RAB38: variants seen among roughly 807,000 people sequenced by gnomAD.
RAB38 encodes the protein RAB38, member RAS oncogene family.
In RAB38, 15 loss-of-function variants were observed where a neutral mutation model predicts 18.4. The observed-to-expected ratio is 0.82, with a 90% CI of 0.55 to 1.26. The LOEUF (loss-of-function observed/expected upper bound fraction) is 1.26. Among genes scored for constraint, RAB38 ranks in the 50% most tolerant of loss-of-function variants. The pLI is 0.00. For missense variants in RAB38, 294 were observed against 267.4 expected (o/e 1.10, Z -0.69); for synonymous variants, 101 against 104.4 (o/e 0.97, Z 0.20).
intron 2 of RAB38, among the ~76,000 whole-genome samples, chr11:88,141,923 C>G (rs7924941): frequency 0.047 from 7,173 of 152,248 alleles, 293 homozygotes; most frequent in African/African-American, 0.11. Context: ...TCCTCAAGAG[C>G]TGTCCTCTCT....
chr11:87,809,226 C>T, the RAB38 span, among the ~76,000 whole-genome samples: 3 of 152,016 alleles, frequency 2.0e-5, no homozygotes, highest in Non-Finnish European at 2.9e-5. Flanking sequence ...TCACAAGAGC[C>T]ACATCTAAAA....
chr11:87,960,753 G>T, the RAB38 span, among the ~76,000 whole-genome samples: 1 of 152,108 alleles, frequency 6.6e-6, no homozygotes, highest in African/African-American at 2.4e-5. Flanking sequence ...GTGCCTAAAA[G>T]ATATTCACTA....
chr11:87,974,233 G>A, the RAB38 span, among the ~76,000 whole-genome samples: 1 of 151,722 alleles, frequency 6.6e-6, no homozygotes. Flanking sequence ...AGTACTTATG[G>A]AAGCTACAAT....
the RAB38 span, among the ~76,000 whole-genome samples, chr11:87,953,152 G>A: frequency 1.3e-5 from 2 of 151,980 alleles, no homozygotes; most frequent in Non-Finnish European, 2.9e-5. Context: ...AGACATTCTA[G>A]GACTGGAGGT....
At chr11:88,033,296 G>A in the RAB38 span, among the ~76,000 whole-genome samples, 5 of 151,832 alleles carry the variant, frequency 3.3e-5, no homozygotes, top group African/African-American at 7.3e-5. Context: ...GTTAGTGGGT[G>A]CAGCACACCA....
chr11:87,918,275 A>T, the RAB38 span, among the ~76,000 whole-genome samples: 1 of 152,112 alleles, frequency 6.6e-6, no homozygotes. Flanking sequence ...CATATTCTTT[A>T]TCCATTCATT....
the RAB38 span, among the ~76,000 whole-genome samples, chr11:88,086,009 G>A: frequency 0.8 from 121,522 of 151,806 alleles, 48,814 homozygotes; most frequent in African/African-American, 0.86. Flanking sequence ...CTTTACCTCC[G>A]CAGTTTACTA....
the RAB38 span, among the ~76,000 whole-genome samples, chr11:88,049,047 C>CA: frequency 1.3e-5 from 2 of 152,160 alleles, no homozygotes; most frequent in African/African-American, 4.8e-5. Context: ...CCCCTTACCA[C>CA]AAAATCTTCC....
chr11:88,105,682 T>C, the RAB38 span, among the ~76,000 whole-genome samples: 1 of 152,022 alleles, frequency 6.6e-6, no homozygotes, highest in African/African-American at 2.4e-5. Flanking sequence ...TTCTAAAGAA[T>C]TGGAAAAAAG....
the RAB38 span, among the ~76,000 whole-genome samples, chr11:87,838,045 C>A: frequency 6.6e-6 from 1 of 152,070 alleles, no homozygotes; most frequent in Admixed American, 6.5e-5. Context: ...TTGCTTAATA[C>A]CTTGTGATAC....
Position 88,175,391 on chromosome 11 carries a change from G to A in RAB38, c.-7C>T, listed in dbSNP as rs775692511. ...CCTTGTGCGGGGCCTGCATCCTGGC[G>A]GCCGGCCAGACGTGCCGTGCCTGAC... is the stretch of plus-strand genomic sequence containing the variant. On this transcript the variant is annotated 5_prime_UTR_variant, in exon 1 of 3. Transcript: ENST00000243662. 7 of 1,614,010 alleles carry A rather than the reference G, an allele frequency of 4.3e-6. No homozygotes were observed. In the East Asian group the frequency reaches 1.1e-4, roughly 26 times the overall value.
chr11:88,116,345 T>C lies in RAB38; in HGVS notation c.484-2205A>G, dbSNP rs569205766. Reference sequence around the variant, plus strand: ...ATTAAAGAAGCCCTATTTGAATGGTTTTAACGTACTTGCCTGGCCATTAAT... The same window carrying C: ...ATTAAAGAAGCCCTATTTGAATGGTCTTAACGTACTTGCCTGGCCATTAAT... On this transcript the variant is annotated intron_variant, in intron 2 of 2. Coordinates refer to ENST00000243662, the MANE Select transcript of RAB38 (RefSeq NM_022337.3). Among the ~76,000 whole-genome samples the C allele has an allele frequency of 9.7e-4, 148 of 152,330 alleles. 2 individuals are homozygous for C. The highest frequency in any genetic ancestry group is 3.5e-3 in the African/African-American group (144 of 41,574).
chr11:88,042,086 G>A, the RAB38 span, among the ~76,000 whole-genome samples: 4 of 151,962 alleles, frequency 2.6e-5, no homozygotes, highest in East Asian at 5.8e-4. Flanking sequence ...TTTAAAGGCC[G>A]TTTTATTACA....
the RAB38 span, among the ~76,000 whole-genome samples, chr11:88,052,915 T>TC: frequency 5.3e-5 from 1 of 18,926 alleles, no homozygotes; most frequent in South Asian, 1.8e-3. Context: ...TATATATATA[T>TC]ATATATATAT....
chr11:88,070,198 C>A, the RAB38 span, among the ~76,000 whole-genome samples: 1 of 152,126 alleles, frequency 6.6e-6, no homozygotes, highest in African/African-American at 2.4e-5. Context: ...GCCAGTGAGA[C>A]CACAAACCCA....
At chr11:88,009,366 G>T in the RAB38 span, among the ~76,000 whole-genome samples, 955 of 152,222 alleles carry the variant, frequency 6.3e-3, 3 homozygotes, top group Non-Finnish European at 0.01. Context: ...TGCTTCTCAT[G>T]AAGGAAAACA....
the RAB38 span, among the ~76,000 whole-genome samples, chr11:87,946,172 C>T: frequency 6.6e-6 from 1 of 152,138 alleles, no homozygotes; most frequent in Non-Finnish European, 1.5e-5. Context: ...AATCTCTCTA[C>T]CTTCAAGTTT....
chr11:88,103,863 CT>C, the RAB38 span, among the ~76,000 whole-genome samples: 10 of 152,164 alleles, frequency 6.6e-5, no homozygotes, highest in Non-Finnish European at 1.5e-4. Flanking sequence ...AGAGTCAGTG[CT>C]TTTTTTCTGG....
At chr11:87,809,536 T>C in the RAB38 span, among the ~76,000 whole-genome samples, 3 of 152,224 alleles carry the variant, frequency 2.0e-5, no homozygotes, top group African/African-American at 7.2e-5. Context: ...ATCAGGACTT[T>C]TGATACTAAA....
Sources: gnomAD v4.1 joint callset for allele counts (sites outside exome capture counted in the v4.1 genomes callset) on GRCh38, gnomAD v4.1.1 for gene constraint, MANE v1.5 for transcripts, NCBI Gene and HGNC (gene_info 2026-07-23, HGNC 2026-07-21) for gene names.